IL36B: variants seen among roughly 807,000 people sequenced by gnomAD.
The protein encoded by IL36B is interleukin-36 beta.
A neutral mutation model predicts 19.3 loss-of-function variants in IL36B; 23 were observed. The ratio of observed to expected loss-of-function variants is 1.19; its 90% confidence interval spans 0.86 to 1.69. The LOEUF (loss-of-function observed/expected upper bound fraction) is 1.69. Among genes scored for constraint, IL36B ranks in the 40% most tolerant of loss-of-function variants. The pLI is 0.00. For missense variants in IL36B, 217 were observed against 200.5 expected (o/e 1.08, Z -0.50); for synonymous variants, 59 against 59.7 (o/e 0.99, Z 0.05).
chr2:113,035,225 T>G (rs1685145748), intron 1 of IL36B, among the ~76,000 whole-genome samples: 1 of 152,184 alleles, frequency 6.6e-6, no homozygotes, highest in Non-Finnish European at 1.5e-5. Flanking sequence ...AATTTGAATC[T>G]GGGATCTATT....
intron 1 of IL36B, among the ~76,000 whole-genome samples, chr2:113,033,514 C>T (rs749342815): frequency 3.3e-5 from 5 of 152,236 alleles, no homozygotes; most frequent in Non-Finnish European, 7.3e-5. Flanking sequence ...ACTAGGATTA[C>T]AGGCGTGAGC....
At chr2:113,042,712 TC>T (rs770407788) in intron 1 of IL36B, among the ~76,000 whole-genome samples, 8 of 152,268 alleles carry the variant, frequency 5.3e-5, no homozygotes, top group Non-Finnish European at 1.2e-4. Context: ...TTTGGTTTCT[TC>T]CACTTTTTGG....
intron 1 of IL36B, among the ~76,000 whole-genome samples, chr2:113,049,933 C>T (rs1456208787): frequency 6.7e-5 from 10 of 149,334 alleles, no homozygotes; most frequent in Admixed American, 2.0e-4. Context: ...CCAGCCTGGG[C>T]GACAAGAGTG....
At chr2:113,040,390 T>C (rs1183797629) in intron 1 of IL36B, among the ~76,000 whole-genome samples, 1 of 152,218 alleles carries the variant, frequency 6.6e-6, no homozygotes, top group Non-Finnish European at 1.5e-5. Context: ...AACATCGTAT[T>C]TGAAGTCCTA....
In IL36B at chr2:113,022,436, G is replaced by T; in HGVS notation, c.*238C>A. On this transcript the variant is annotated 3_prime_UTR_variant, in exon 6 of 6. Transcript: ENST00000259213. ...TTTTTTAAAAAACACTCTAAGGACT[G>T]GACAAAACACATTTACAGGTTATGT... is the stretch of plus-strand genomic sequence containing the variant. 1 of 363,328 alleles carries T rather than the reference G, an allele frequency of 2.8e-6. No homozygotes were observed. Among genetic ancestry groups the T allele is most frequent in the Non-Finnish European group, 5.0e-6 (1 of 199,064 alleles). 22.5% of individuals were successfully genotyped at this position (363,328 alleles called of 1,614,324 possible).
chr2:113,022,651 T>C lies in IL36B; in HGVS notation c.*23A>G, dbSNP rs760811508. 1.4e-6 allele frequency: 2 copies of C among 1,399,124 alleles called. No homozygotes were observed. Among genetic ancestry groups the C allele is most frequent in the South Asian group, 2.3e-5 (2 of 86,684 alleles). The allele number at this position is 1,399,124 out of a possible 1,614,324, so 86.7% of individuals were successfully genotyped here. A position where few individuals can be genotyped will look rare whatever the true frequency, so the allele number is the denominator to read the frequency against. On this transcript the variant is annotated 3_prime_UTR_variant, in exon 6 of 6. Coordinates refer to ENST00000259213, the MANE Select transcript of IL36B (RefSeq NM_014438.5). ...CAAACCCACTCAAAGATTGTAGAGA[T>C]GGGAATCTTCCTCCCCTTATTTCTA...
At chr2:113,030,115 C>T (rs142111352) in intron 3 of IL36B, among the ~76,000 whole-genome samples, 1 of 152,122 alleles carries the variant, frequency 6.6e-6, no homozygotes, top group African/African-American at 2.4e-5. Flanking sequence ...CCTGTAATCC[C>T]AGCTACTCAG....
At chr2:113,048,436 T>C (rs1685385239) in intron 1 of IL36B, among the ~76,000 whole-genome samples, 1 of 152,122 alleles carries the variant, frequency 6.6e-6, no homozygotes, top group African/African-American at 2.4e-5. Context: ...AGTGAGACTC[T>C]GCCTCAAACA....
chr2:113,039,183 G>C (rs910238808), intron 1 of IL36B, among the ~76,000 whole-genome samples: 1 of 152,198 alleles, frequency 6.6e-6, no homozygotes, highest in Non-Finnish European at 1.5e-5. Flanking sequence ...GATATAGTCG[G>C]TGTCTGCTGT....
chr2:113,049,645 A>G (rs1262742284), intron 1 of IL36B, among the ~76,000 whole-genome samples: 1 of 152,148 alleles, frequency 6.6e-6, no homozygotes. Context: ...AGAAAATAAC[A>G]AGTGTTGATG....
intron 5 of IL36B, among the ~76,000 whole-genome samples, chr2:113,025,804 G>T (rs1310804204): frequency 2.0e-5 from 3 of 152,160 alleles, no homozygotes; most frequent in Non-Finnish European, 4.4e-5. Flanking sequence ...GAGGTGGCTA[G>T]TTGAGAAAAG....
chr2:113,051,139 T>C (rs1055712913), intron 1 of IL36B, among the ~76,000 whole-genome samples: 12 of 152,188 alleles, frequency 7.9e-5, no homozygotes, highest in South Asian at 6.2e-4. Context: ...CCCGGCACAC[T>C]GAGAGCGGCA....
At chr2:113,022,872 G>A (rs1209168706) in intron 5 of IL36B, 42 of 732,540 alleles carry the variant, frequency 5.7e-5, no homozygotes, top group East Asian at 4.7e-4. Flanking sequence ...GATTCTACAC[G>A]GAGGCTCCTG....
intron 2 of IL36B, among the ~76,000 whole-genome samples, chr2:113,031,386 C>T (rs145132136): frequency 6.6e-6 from 1 of 151,972 alleles, no homozygotes; most frequent in East Asian, 1.9e-4. Context: ...TTTTCTAGGG[C>T]TATTAGTGAC....
At chr2:113,047,736 A>T (rs1427577765) in intron 1 of IL36B, among the ~76,000 whole-genome samples, 2 of 152,172 alleles carry the variant, frequency 1.3e-5, no homozygotes, top group Admixed American at 1.3e-4. Flanking sequence ...AAAGTGTAGA[A>T]AGAAAGAATT....
intron 1 of IL36B, among the ~76,000 whole-genome samples, chr2:113,048,983 T>C (rs1419356898): frequency 6.6e-6 from 1 of 152,228 alleles, no homozygotes; most frequent in East Asian, 1.9e-4. Flanking sequence ...TGCTAGCTAT[T>C]GTTCTTCTTA....
Position 113,024,348 on chromosome 2 carries a change from C to G in IL36B, c.392-1571G>C, listed in dbSNP as rs1684915048. On this transcript the variant is annotated intron_variant, in intron 5 of 5. Transcript: ENST00000259213. ...GGGGGAATAACACTGTGCTCTTTCT[C>G]CATTTATCGATATTCTATTTCGTGT... is the stretch of plus-strand genomic sequence containing the variant. Among the ~76,000 whole-genome samples, 5 of 152,280 alleles carry G rather than the reference C, an allele frequency of 3.3e-5. No individual in the cohort carries two copies. The South Asian group carries it at 1.0e-3, about 32-fold the overall frequency.
chr2:113,032,376 GT>G (rs1685092138), intron 1 of IL36B, among the ~76,000 whole-genome samples: 2 of 152,066 alleles, frequency 1.3e-5, no homozygotes, highest in Non-Finnish European at 2.9e-5. Flanking sequence ...TCTGCCTCTG[GT>G]TTTCTAGTTA....
chr2:113,042,862 C>A (rs769795835), intron 1 of IL36B, among the ~76,000 whole-genome samples: 2 of 151,208 alleles, frequency 1.3e-5, no homozygotes. Flanking sequence ...ACAGAAACTA[C>A]CTTTTTTTTT....
Sources: allele counts gnomAD v4.1 joint callset (sites outside exome capture counted in the v4.1 genomes callset), GRCh38; gene constraint gnomAD v4.1.1; transcripts MANE v1.5; gene names NCBI Gene and HGNC (gene_info 2026-07-23, HGNC 2026-07-21).